Variants in NFIA observed in about 807,000 individuals in gnomAD.
NFIA encodes nuclear factor 1 A-type.
NFIA carries 8 observed loss-of-function variants against 62.8 expected under a neutral mutation model. The ratio of observed to expected loss-of-function variants is 0.13; its 90% confidence interval spans 0.07 to 0.23. NFIA has a LOEUF of 0.23. Ranked by LOEUF, NFIA falls within the 10% of genes least tolerant of loss-of-function variation. The probability of loss-of-function intolerance (pLI) is 1.00; values close to 1 mark genes in which losing one functional copy is unlikely to be tolerated. For missense variants in NFIA, 410 were observed against 642.1 expected, an observed-to-expected ratio of 0.64 and a Z score of 3.91; for synonymous variants, 235 against 238.1, an observed-to-expected ratio of 0.99 and a Z score of 0.12.
chr1:61,126,472 A>ACACACACACACACT (rs1418105298), intron 2 of NFIA, among the ~76,000 whole-genome samples: 1 of 150,762 alleles, frequency 6.6e-6, no homozygotes. Flanking sequence ...ACACACACAC[A>ACACACACACACACT]CACTCACAGA....
intron 2 of NFIA, among the ~76,000 whole-genome samples, chr1:61,095,987 T>C (rs1646404960): frequency 1.3e-5 from 2 of 152,220 alleles, no homozygotes; most frequent in Non-Finnish European, 2.9e-5. Flanking sequence ...TATCTATTTC[T>C]AACTTCCCCT....
chr1:61,096,221 G>A (rs1334579425), intron 2 of NFIA, among the ~76,000 whole-genome samples: 1 of 151,962 alleles, frequency 6.6e-6, no homozygotes, highest in Non-Finnish European at 1.5e-5. Context: ...TTTTGTTGTT[G>A]TTGTTGTTTG....
intron 2 of NFIA, among the ~76,000 whole-genome samples, chr1:61,185,713 T>G (rs1651126336): frequency 6.6e-6 from 1 of 150,980 alleles, no homozygotes; most frequent in Non-Finnish European, 1.5e-5. Context: ...TTTCAGAACC[T>G]GCCATCCCAT....
At chr1:61,354,626 G>T (rs752042365) in intron 5 of NFIA, among the ~76,000 whole-genome samples, 6 of 152,146 alleles carry the variant, frequency 3.9e-5, no homozygotes, top group Non-Finnish European at 5.9e-5. Context: ...TCACACTCAG[G>T]TCTGTTGGAA....
At chr1:61,235,831 AAG>A (rs1346586385) in intron 2 of NFIA, among the ~76,000 whole-genome samples, 1 of 151,806 alleles carries the variant, frequency 6.6e-6, no homozygotes. Context: ...AAAAAAGAAA[AAG>A]AAAAAGAAAG....
At chr1:61,430,447 T>C (rs1224567982) in intron 10 of NFIA, among the ~76,000 whole-genome samples, 2 of 152,334 alleles carry the variant, frequency 1.3e-5, no homozygotes, top group East Asian at 1.9e-4. Flanking sequence ...CATACAAATA[T>C]ATTGCAAAAA....
intron 2 of NFIA, among the ~76,000 whole-genome samples, chr1:61,154,485 C>G (rs1483392263): frequency 6.6e-6 from 1 of 152,172 alleles, no homozygotes; most frequent in Non-Finnish European, 1.5e-5. Context: ...GGGTCTTACT[C>G]TGTCACCCAG....
At chr1:61,105,772 A>G (rs945125746) in intron 2 of NFIA, among the ~76,000 whole-genome samples, 1 of 151,838 alleles carries the variant, frequency 6.6e-6, no homozygotes, top group African/African-American at 2.4e-5. Context: ...GGACATTGCT[A>G]TTGCCATTTC....
chr1:61,436,932 C>T (rs944576068), intron 10 of NFIA, among the ~76,000 whole-genome samples: 4 of 152,182 alleles, frequency 2.6e-5, no homozygotes, highest in African/African-American at 4.8e-5. Flanking sequence ...TGTGATAAGC[C>T]GGATCCCTTG....
At chr1:61,317,681 C>T (rs1048474299) in intron 3 of NFIA, among the ~76,000 whole-genome samples, 1 of 151,874 alleles carries the variant, frequency 6.6e-6, no homozygotes, top group Non-Finnish European at 1.5e-5. Context: ...TTTTTATAGA[C>T]AACTTTTATA....
chr1:61,119,600 C>A (rs186124418), intron 2 of NFIA, among the ~76,000 whole-genome samples: 90 of 152,204 alleles, frequency 5.9e-4, no homozygotes, highest in African/African-American at 2.0e-3. Context: ...ATAGTTCTTG[C>A]TAAAGTTTTG....
In NFIA at chr1:61,097,292, T is replaced by A. The variant is rs536880326; in HGVS notation, c.559+8612T>A. On this transcript the variant is annotated intron_variant, in intron 2 of 10. Coordinates refer to ENST00000403491, the MANE Select transcript of NFIA (RefSeq NM_001134673.4). ...CCAGACATAGACAGTTCTCAGAGCA[T>A]GTGTATTCATATAAATTTTTAAATG... Among the ~76,000 whole-genome samples the A allele has an allele frequency of 1.3e-3, 198 of 152,294 alleles. 3 individuals carry two copies. Among genetic ancestry groups the A allele is most frequent in the African/African-American group, 4.6e-3 (190 of 41,564 alleles).
intron 4 of NFIA, among the ~76,000 whole-genome samples, chr1:61,346,008 TAATC>T (rs1448549130): frequency 6.6e-6 from 1 of 152,162 alleles, no homozygotes; most frequent in East Asian, 1.9e-4. Context: ...TCCAGTGACT[TAATC>T]AAGTAAACAG....
chr1:61,365,668 G>C (rs904472868), intron 6 of NFIA, among the ~76,000 whole-genome samples: 2 of 152,202 alleles, frequency 1.3e-5, no homozygotes, highest in African/African-American at 4.8e-5. Context: ...GTATACTAGA[G>C]TAGATACAGA....
At chr1:61,286,441 A>AT (rs1275148399) in intron 3 of NFIA, among the ~76,000 whole-genome samples, 1 of 151,822 alleles carries the variant, frequency 6.6e-6, no homozygotes, top group African/African-American at 2.4e-5. Context: ...AAAAAAAAAA[A>AT]AAATAGAATT....
intron 2 of NFIA, among the ~76,000 whole-genome samples, chr1:61,177,606 G>C (rs2100556738): frequency 6.6e-6 from 1 of 151,706 alleles, no homozygotes; most frequent in South Asian, 2.1e-4. Context: ...ATCATAAAAG[G>C]TTATGTTATA....
chr1:61,388,191 G>T lies in NFIA; in HGVS notation c.1075+4826G>T, dbSNP rs115261718. Among the ~76,000 whole-genome samples, 389 of 152,274 alleles carry T rather than the reference G, an allele frequency of 2.6e-3. 3 individuals carry two copies. Among genetic ancestry groups the T allele is most frequent in the African/African-American group, 8.9e-3 (370 of 41,552 alleles). On this transcript the variant is annotated intron_variant, in intron 7 of 10. Transcript: ENST00000403491. Reference sequence around the variant, plus strand: ...AGAGGTTATTTGGGAATATCCTATCGATAGGGGGAAGATATTAAATTTCAG... The same window carrying T: ...AGAGGTTATTTGGGAATATCCTATCTATAGGGGGAAGATATTAAATTTCAG...
At chr1:61,188,243 G>A (rs565887666) in intron 2 of NFIA, among the ~76,000 whole-genome samples, 4 of 151,988 alleles carry the variant, frequency 2.6e-5, no homozygotes, top group South Asian at 2.1e-4. Context: ...ATGGGATTTC[G>A]CTGTGTTGGC....
chr1:61,326,426 T>G (rs951951295), intron 3 of NFIA, among the ~76,000 whole-genome samples: 1 of 152,094 alleles, frequency 6.6e-6, no homozygotes, highest in African/African-American at 2.4e-5. Context: ...TTGCTGGAAA[T>G]GAGAGAAAGA....
Sources: gnomAD v4.1 joint callset for allele counts (sites outside exome capture counted in the v4.1 genomes callset) on GRCh38, gnomAD v4.1.1 for gene constraint, MANE v1.5 for transcripts, NCBI Gene and HGNC (gene_info 2026-07-23, HGNC 2026-07-21) for gene names.